Variants in EDIL3 observed in about 807,000 individuals in gnomAD.
EDIL3 encodes the protein EGF like and discoidin domains 3, also known as EGF-like repeat and discoidin I-like domain-containing protein 3.
Under a neutral mutation model 67.4 loss-of-function variants are expected in EDIL3, and 37 were observed. The observed-to-expected ratio is 0.55, with a 90% confidence interval of 0.42 to 0.72. The LOEUF (loss-of-function observed/expected upper bound fraction) is 0.72. Among genes scored for constraint, EDIL3 ranks in the 30% least tolerant of loss-of-function variants. EDIL3 has a pLI of 0.00. For missense variants in EDIL3, 527 were observed against 586.3 expected (o/e 0.90, Z 1.04); for synonymous variants, 195 against 196.3 (o/e 0.99, Z 0.05).
At chr5:84,255,243 A>G (rs1047341160) in intron 1 of EDIL3, among the ~76,000 whole-genome samples, 1 of 152,190 alleles carries the variant, frequency 6.6e-6, no homozygotes, top group African/African-American at 2.4e-5. Context: ...CCAGAAAGAC[A>G]TGGCCCAACA....
intron 1 of EDIL3, among the ~76,000 whole-genome samples, chr5:84,311,553 C>T (rs1228061795): frequency 6.0e-5 from 9 of 150,836 alleles, no homozygotes; most frequent in Admixed American, 1.3e-4. Context: ...AGTAGGGTGT[C>T]CAGTTTTTTT....
intron 1 of EDIL3, among the ~76,000 whole-genome samples, chr5:84,302,656 C>T (rs1746184155): frequency 6.6e-6 from 1 of 152,158 alleles, no homozygotes; most frequent in Non-Finnish European, 1.5e-5. Context: ...TGGGTTTATC[C>T]TCTTCATTTC....
intron 2 of EDIL3, among the ~76,000 whole-genome samples, chr5:84,236,140 A>T (rs567816721): frequency 1.5e-4 from 23 of 152,174 alleles, no homozygotes; most frequent in African/African-American, 5.3e-4. Flanking sequence ...GAGAAAAATA[A>T]CAAAAAAGAA....
At chr5:83,976,995 T>C (rs2112144404) in intron 9 of EDIL3, among the ~76,000 whole-genome samples, 1 of 151,982 alleles carries the variant, frequency 6.6e-6, no homozygotes, top group African/African-American at 2.4e-5. Flanking sequence ...TCTCCTGTCA[T>C]TAGTATTTGA....
rs1287208140 is a variant in EDIL3, at chr5:83,980,265, G to A, written c.1138-16905C>T. Among the ~76,000 whole-genome samples the A allele has an allele frequency of 2.0e-5, 3 of 149,594 alleles. No homozygotes were observed. The East Asian group carries it at 5.9e-4, about 29-fold the overall frequency. ...TTTTTTTTTTGTTTTTGTTTTTTAT[G>A]GGCCCTTTGGCTGAAACAACCATTT... On this transcript the variant is annotated intron_variant, in intron 9 of 10. Transcript: ENST00000296591.
At chr5:84,270,059 C>T (rs1010514700) in intron 1 of EDIL3, among the ~76,000 whole-genome samples, 16 of 152,184 alleles carry the variant, frequency 1.1e-4, no homozygotes, top group East Asian at 5.8e-4. Flanking sequence ...AAAATATCAA[C>T]GTTAGTTATC....
intron 1 of EDIL3, among the ~76,000 whole-genome samples, chr5:84,316,008 C>A (rs1371020875): frequency 6.6e-6 from 1 of 152,106 alleles, no homozygotes; most frequent in Admixed American, 6.5e-5. Flanking sequence ...TCCAGCCAAA[C>A]TAAGCTTCAT....
intron 1 of EDIL3, among the ~76,000 whole-genome samples, chr5:84,283,457 T>C (rs1745743877): frequency 6.6e-6 from 1 of 152,170 alleles, no homozygotes; most frequent in African/African-American, 2.4e-5. Context: ...AAGTCTTCTA[T>C]TTTTGAAGCA....
chr5:84,042,606 T>C (rs1394478070), intron 9 of EDIL3, among the ~76,000 whole-genome samples: 1 of 152,116 alleles, frequency 6.6e-6, no homozygotes, highest in Non-Finnish European at 1.5e-5. Flanking sequence ...TAATTGAACC[T>C]ATTCTACTGA....
At chr5:83,989,689 C>T (rs1406602042) in intron 9 of EDIL3, among the ~76,000 whole-genome samples, 1 of 152,170 alleles carries the variant, frequency 6.6e-6, no homozygotes, top group Non-Finnish European at 1.5e-5. Context: ...CTCCACTTGC[C>T]TGGTATTCTC....
intron 3 of EDIL3, among the ~76,000 whole-genome samples, chr5:84,202,969 G>A (rs890742291): frequency 3.9e-5 from 6 of 152,112 alleles, no homozygotes. Flanking sequence ...TATTATAGAG[G>A]AAACAGGCAA....
intron 1 of EDIL3, among the ~76,000 whole-genome samples, chr5:84,306,722 G>C (rs1746282549): frequency 6.6e-6 from 1 of 152,188 alleles, no homozygotes; most frequent in Non-Finnish European, 1.5e-5. Flanking sequence ...TTTTAGAGTT[G>C]TAAAGCATGC....
intron 1 of EDIL3, among the ~76,000 whole-genome samples, chr5:84,266,238 A>G (rs1463933643): frequency 6.6e-6 from 1 of 152,184 alleles, no homozygotes; most frequent in Non-Finnish European, 1.5e-5. Context: ...TGGGTCACAC[A>G]ACATGACCAC....
intron 3 of EDIL3, among the ~76,000 whole-genome samples, chr5:84,211,571 C>T (rs576429127): frequency 6.6e-6 from 1 of 151,976 alleles, no homozygotes; most frequent in Admixed American, 6.6e-5. Context: ...TTCTAAGAAA[C>T]AGGAGAAAAG....
chr5:84,239,020 C>A (rs548152202), intron 2 of EDIL3, among the ~76,000 whole-genome samples: 2 of 152,206 alleles, frequency 1.3e-5, no homozygotes, highest in East Asian at 3.9e-4. Context: ...ATATATCTTT[C>A]AAAATTTCTA....
intron 2 of EDIL3, among the ~76,000 whole-genome samples, chr5:84,241,116 A>G (rs1472040730): frequency 2.6e-5 from 4 of 152,170 alleles, no homozygotes; most frequent in African/African-American, 9.7e-5. Context: ...CCCTCTTATG[A>G]TAATTATTTT....
intron 1 of EDIL3, among the ~76,000 whole-genome samples, chr5:84,285,617 G>T (rs1335384667): frequency 2.0e-5 from 3 of 152,214 alleles, no homozygotes; most frequent in African/African-American, 7.2e-5. Context: ...ATATATTCAT[G>T]AAAGAAAACC....
intron 1 of EDIL3, among the ~76,000 whole-genome samples, chr5:84,331,126 A>G (rs1746862496): frequency 6.6e-6 from 1 of 152,188 alleles, no homozygotes; most frequent in South Asian, 2.1e-4. Flanking sequence ...CCCATTGTAT[A>G]TAGGAAATAA....
intron 10 of EDIL3, among the ~76,000 whole-genome samples, chr5:83,956,824 C>A (rs776932713): frequency 6.6e-6 from 1 of 151,664 alleles, no homozygotes; most frequent in East Asian, 1.9e-4. Context: ...ATTAAAACAT[C>A]TCATGTACCC....
Sources: gnomAD v4.1 joint callset for allele counts (sites outside exome capture counted in the v4.1 genomes callset) on GRCh38, gnomAD v4.1.1 for gene constraint, MANE v1.5 for transcripts, NCBI Gene and HGNC (gene_info 2026-07-23, HGNC 2026-07-21) for gene names.